OPHN1: variants seen among roughly 807,000 people sequenced by gnomAD.
OPHN1 encodes the protein oligophrenin-1.
OPHN1 carries 11 observed loss-of-function variants against 60.7 expected under a neutral mutation model. The ratio of observed to expected loss-of-function variants is 0.18; its 90% CI spans 0.11 to 0.30. The LOEUF (loss-of-function observed/expected upper bound fraction) is 0.30, where lower values mean the gene tolerates loss of function less well. OPHN1 is among the 10% of genes least tolerant of loss of function. The probability of loss-of-function intolerance (pLI) is 1.00; values close to 1 mark genes in which losing one functional copy is unlikely to be tolerated. For missense variants in OPHN1, 449 were observed against 611.0 expected (o/e 0.73, Z 2.80); for synonymous variants, 226 against 222.6 (o/e 1.02, Z -0.14).
chrX:68,309,561 T>C (rs2078163141), intron 2 of OPHN1, among the ~76,000 whole-genome samples: 1 of 112,062 alleles, frequency 8.9e-6, no homozygotes, highest in Admixed American at 9.5e-5. Context: ...GGATTCTATA[T>C]TTGCAAATTT....
intron 6 of OPHN1, among the ~76,000 whole-genome samples, chrX:68,225,959 C>A (rs755435089): frequency 9.0e-6 from 1 of 111,438 alleles, no homozygotes; most frequent in Non-Finnish European, 1.9e-5. Context: ...TCAAACCCAA[C>A]GCAAAGAAGC....
At chrX:68,221,073 C>G (rs1254122413) in intron 6 of OPHN1, among the ~76,000 whole-genome samples, 20 of 101,479 alleles carry the variant, frequency 2.0e-4, no homozygotes, top group African/African-American at 6.7e-4. Context: ...TGATAAGCAA[C>G]TTCAGCAAAG....
intron 19 of OPHN1, among the ~76,000 whole-genome samples, chrX:68,075,691 A>T (rs1215270309): frequency 9.3e-6 from 1 of 107,964 alleles, no homozygotes; most frequent in Non-Finnish European, 1.9e-5. Flanking sequence ...ACCCACATCT[A>T]TACAGATAAA....
chrX:68,141,675 A>G (rs1453600149), intron 15 of OPHN1, among the ~76,000 whole-genome samples: 1 of 111,439 alleles, frequency 9.0e-6, no homozygotes, highest in East Asian at 2.8e-4. Flanking sequence ...CAATTTTTAG[A>G]GTTGCAAGGA....
At chrX:68,097,597 G>C (rs902955771) in intron 18 of OPHN1, among the ~76,000 whole-genome samples, 1 of 111,881 alleles carries the variant, frequency 8.9e-6, no homozygotes, top group Middle Eastern at 4.2e-3. Context: ...ATTAGCTGTA[G>C]AGTAGAACGT....
At chrX:68,288,962 A>G (rs2078058036) in intron 3 of OPHN1, among the ~76,000 whole-genome samples, 1 of 110,868 alleles carries the variant, frequency 9.0e-6, no homozygotes, top group African/African-American at 3.3e-5. Context: ...AATTAATGGG[A>G]AGGCAATAAA....
chrX:68,118,112 GAGA>G (rs1025664505), intron 16 of OPHN1, among the ~76,000 whole-genome samples: 3 of 111,739 alleles, frequency 2.7e-5, no homozygotes, highest in African/African-American at 6.5e-5. Context: ...TAGGGGGCAG[GAGA>G]AGAAGATGCC....
chrX:68,084,040 A>C (rs767561215), intron 19 of OPHN1, among the ~76,000 whole-genome samples: 1 of 111,355 alleles, frequency 9.0e-6, no homozygotes, highest in African/African-American at 3.3e-5. Flanking sequence ...TTCCTAATGT[A>C]ACACAGAGAC....
intron 24 of OPHN1, 61 bp downstream of exon 24, chrX:68,048,355 G>A: frequency 1.9e-6 from 2 of 1,033,749 alleles, no homozygotes; most frequent in Non-Finnish European, 2.7e-6. Flanking sequence ...CAAAATATCA[G>A]ATCCCGTAAT....
At chrX:68,217,381 T>C (rs1013222759) in intron 6 of OPHN1, among the ~76,000 whole-genome samples, 1 of 111,602 alleles carries the variant, frequency 9.0e-6, no homozygotes, top group Admixed American at 9.4e-5. Flanking sequence ...CAGGCTTGCA[T>C]AGGTAAACAA....
chrX:68,104,819 T>A (rs1295343456), intron 18 of OPHN1, among the ~76,000 whole-genome samples: 1 of 111,952 alleles, frequency 8.9e-6, no homozygotes, highest in African/African-American at 3.3e-5. Context: ...GGGGATCTAA[T>A]TAAACTAAAG....
In OPHN1 at chrX:68,058,455, T is replaced by C. The variant is rs189061951; in HGVS notation, c.2159-4645A>G. Among the ~76,000 whole-genome samples, 46 of 111,830 alleles carry C rather than the reference T, an allele frequency of 4.1e-4. 1 individual carries two copies. The highest frequency in any genetic ancestry group is 8.3e-4 in the Non-Finnish European group (44 of 53,158). On this transcript the variant is annotated intron_variant, in intron 21 of 24. Transcript: ENST00000355520. ...CAAGGGAGAGCTAACTGGGGTAGGA[T>C]TGTCAGAAGGCTTCATGGACAGAAT...
chrX:68,223,017 G>T (rs999460518), intron 6 of OPHN1, among the ~76,000 whole-genome samples: 1 of 111,141 alleles, frequency 9.0e-6, no homozygotes, highest in Admixed American at 9.5e-5. Context: ...CACTCAGAAA[G>T]GCCATTATTA....
intron 5 of OPHN1, among the ~76,000 whole-genome samples, chrX:68,242,931 G>A (rs921944742): frequency 1.6e-4 from 18 of 110,670 alleles, no homozygotes; most frequent in African/African-American, 4.9e-4. Context: ...GCAGTGGTGC[G>A]ATCTTGGCTC....
chrX:68,422,816 AG>A (rs1453940905), intron 2 of OPHN1, among the ~76,000 whole-genome samples: 4 of 107,032 alleles, frequency 3.7e-5, no homozygotes, highest in Non-Finnish European at 7.7e-5. Flanking sequence ...GGAGGGAAAA[AG>A]AAAGAAAGAA....
At position 68,422,550 on chromosome X, in the gene OPHN1, AGGAG is replaced by A. The variant is rs774581532; in HGVS notation, c.154+10313_154+10316del. ...AAGAAAGAAAGAAGGAAGGAAGGGA[AGGAG>A]GGAGGGAGGGAGGAAAGAAAGAAGG... On this transcript the variant is annotated intron_variant, in intron 2 of 24. Coordinates refer to ENST00000355520, the MANE Select transcript of OPHN1 (RefSeq NM_002547.3). Among the ~76,000 whole-genome samples, 190 of 93,238 alleles carry A rather than the reference AGGAG, an allele frequency of 2.0e-3. 3 individuals carry two copies. Among genetic ancestry groups the A allele is most frequent in the South Asian group, 6.9e-3 (10 of 1,441 alleles). 81.0% of individuals were successfully genotyped at this position (93,238 alleles called of 115,157 possible).
At chrX:68,216,965 C>A (rs1156436843) in intron 6 of OPHN1, among the ~76,000 whole-genome samples, 1 of 112,087 alleles carries the variant, frequency 8.9e-6, no homozygotes, top group African/African-American at 3.2e-5. Context: ...CTACAGCTCC[C>A]AGCGTGAGCG....
intron 1 of OPHN1, 28 bp downstream of exon 1, chrX:68,433,140 A>G: frequency 1.4e-6 from 1 of 733,230 alleles, no homozygotes; most frequent in Non-Finnish European, 2.0e-6. Flanking sequence ...GGAAGCTCAT[A>G]GCCTCCGTCC....
intron 5 of OPHN1, among the ~76,000 whole-genome samples, 174 bp downstream of exon 5, chrX:68,274,563 CA>C (rs1347713812): frequency 9.0e-6 from 1 of 111,413 alleles, no homozygotes; most frequent in African/African-American, 3.3e-5. Context: ...AACAGAATGC[CA>C]TAGACAGGGT....
Sources: allele counts gnomAD v4.1 joint callset (sites outside exome capture counted in the v4.1 genomes callset), GRCh38; gene constraint gnomAD v4.1.1; transcripts MANE v1.5; gene names NCBI Gene and HGNC (gene_info 2026-07-23, HGNC 2026-07-21).